Variants in CCDC171 observed in about 807,000 individuals in gnomAD.
CCDC171 encodes coiled-coil domain containing 171, also known as coiled-coil domain-containing protein 171.
A neutral mutation model predicts 168.2 loss-of-function variants in CCDC171; 177 were observed. The observed-to-expected ratio is 1.05, with a 90% CI of 0.93 to 1.19. The LOEUF (loss-of-function observed/expected upper bound fraction) is 1.19, where lower values mean the gene tolerates loss of function less well. Ranked by LOEUF, CCDC171 falls within the 50% of genes most tolerant of loss-of-function variation. The pLI, the probability that CCDC171 is intolerant of heterozygous loss-of-function variation, is 0.00. For synonymous variants in CCDC171, 687 were observed against 540.8 expected, an observed-to-expected ratio of 1.27 and a Z score of -3.75; for missense variants, 1,991 against 1,539.0, an observed-to-expected ratio of 1.29 and a Z score of -4.91.
intron 24 of CCDC171, chr9:15,874,893 G>T (rs1588952144): frequency 3.0e-6 from 1 of 331,214 alleles, no homozygotes. Flanking sequence ...TTTTACCAAG[G>T]AAAAATGTGT....
At position 15,745,591 on chromosome 9, in the gene CCDC171, C is replaced by T. The variant is rs1045393991; in HGVS notation, c.2631C>T (p.Ile877=). Residue 877 remains isoleucine, a synonymous_variant, in exon 18 of 26, where the codon ATC becomes ATT. Transcript: ENST00000380701. ...GTTCTGACCTTCTTGCTGCAATAATCAGTTCTATGGCTGAATTACAAGACG... is the reference window on the plus strand; with the variant it reads ...GTTCTGACCTTCTTGCTGCAATAATTAGTTCTATGGCTGAATTACAAGACG... ...LTSSDLLAAI[I]SSMAELQDVI... 69 of 1,586,586 alleles carry T rather than the reference C, an allele frequency of 4.3e-5. No individual in the cohort carries two copies. Among genetic ancestry groups the T allele is most frequent in the Non-Finnish European group, 5.8e-5 (68 of 1,168,414 alleles).
chr9:15,749,220 AAAG>A (rs2055537199), intron 18 of CCDC171, among the ~76,000 whole-genome samples: 1 of 152,220 alleles, frequency 6.6e-6, no homozygotes, highest in African/African-American at 2.4e-5. Context: ...CGAAAGAGAC[AAAG>A]AAGGCCATTA....
chr9:15,840,625 C>G (rs2060638667), intron 21 of CCDC171, among the ~76,000 whole-genome samples: 1 of 152,062 alleles, frequency 6.6e-6, no homozygotes, highest in Non-Finnish European at 1.5e-5. Flanking sequence ...TGCAGCCAAA[C>G]TCAGTTTGCT....
At chr9:15,635,136 T>G (rs2046102185) in intron 7 of CCDC171, among the ~76,000 whole-genome samples, 1 of 152,130 alleles carries the variant, frequency 6.6e-6, no homozygotes, top group Admixed American at 6.6e-5. Flanking sequence ...TTAGGAGAAT[T>G]GACTTACACT....
intron 1 of CCDC171, among the ~76,000 whole-genome samples, chr9:15,562,759 G>A (rs2039412945): frequency 1.3e-5 from 2 of 152,048 alleles, no homozygotes; most frequent in Non-Finnish European, 2.9e-5. Flanking sequence ...TTTGTGCCTT[G>A]GACATTACTC....
chr9:15,597,972 T>C (rs199847184), intron 6 of CCDC171, among the ~76,000 whole-genome samples: 1 of 152,142 alleles, frequency 6.6e-6, no homozygotes, highest in African/African-American at 2.4e-5. Flanking sequence ...GTCTGTATTT[T>C]TGTGGGATCG....
chr9:16,001,709 A>G (rs935878574), intron 3 of CCDC171, among the ~76,000 whole-genome samples: 1 of 152,150 alleles, frequency 6.6e-6, no homozygotes, highest in Non-Finnish European at 1.5e-5. Flanking sequence ...TGCAACTTGC[A>G]TGTTTGTGGT....
At chr9:15,991,991 A>G (rs953796327) in intron 3 of CCDC171, among the ~76,000 whole-genome samples, 1 of 152,252 alleles carries the variant, frequency 6.6e-6, no homozygotes, top group Non-Finnish European at 1.5e-5. Context: ...TCCAAATTCT[A>G]CCAGAGGTAC....
chr9:15,898,080 A>G (rs1317862209), intron 24 of CCDC171, among the ~76,000 whole-genome samples: 2 of 152,222 alleles, frequency 1.3e-5, no homozygotes, highest in Non-Finnish European at 2.9e-5. Context: ...TGTCAGAATT[A>G]GAAAAAATAC....
chr9:15,869,985 A>C (rs1350248880), intron 23 of CCDC171, among the ~76,000 whole-genome samples: 2 of 151,840 alleles, frequency 1.3e-5, no homozygotes, highest in Non-Finnish European at 2.9e-5. Context: ...TTTTCTGTAA[A>C]GGCCAGATAG....
intron 1 of CCDC171, among the ~76,000 whole-genome samples, chr9:16,043,605 C>G (rs1224998835): frequency 6.6e-6 from 1 of 152,160 alleles, no homozygotes. Flanking sequence ...GCCACATTTA[C>G]CTGTGCCACT....
intron 7 of CCDC171, among the ~76,000 whole-genome samples, chr9:15,639,537 T>C (rs2046438129): frequency 6.6e-6 from 1 of 152,108 alleles, no homozygotes; most frequent in Non-Finnish European, 1.5e-5. Context: ...TTTTTCTTCA[T>C]TAAACTCTTT....
intron 23 of CCDC171, among the ~76,000 whole-genome samples, chr9:15,863,308 C>G (rs770194): frequency 0.77 from 116,599 of 151,842 alleles, 45,914 homozygotes; most frequent in East Asian, 0.89. Flanking sequence ...TGACTGATTT[C>G]TTGTTGCCCA....
rs553376544 is a variant in CCDC171 at position 15,902,994 on chromosome 9, G to A, written c.3601-17276G>A. On this transcript the variant is annotated intron_variant, in intron 24 of 25. Transcript: ENST00000380701. ...GCAGCGAGCTGGGGGAGGGGCGCTC[G>A]CCATTGCCTAGGCTAGAGTAGGTAA... Among the ~76,000 whole-genome samples, 12 of 152,300 alleles carry A rather than the reference G, an allele frequency of 7.9e-5. No homozygotes were observed. In the East Asian group the frequency reaches 1.2e-3, roughly 15 times the overall value.
At chr9:15,580,935 A>G (rs958678501) in intron 4 of CCDC171, among the ~76,000 whole-genome samples, 128 of 152,334 alleles carry the variant, frequency 8.4e-4, no homozygotes, top group African/African-American at 2.8e-3. Context: ...GGCCAGGGCA[A>G]TCAGGCAAGA....
chr9:15,844,738 A>T (rs969608271), intron 21 of CCDC171, among the ~76,000 whole-genome samples: 2 of 152,090 alleles, frequency 1.3e-5, no homozygotes, highest in Non-Finnish European at 2.9e-5. Flanking sequence ...AAAGAATGGA[A>T]ACGAGAAGAT....
chr9:15,877,134 C>G (rs1377990480), intron 24 of CCDC171, among the ~76,000 whole-genome samples: 1 of 151,974 alleles, frequency 6.6e-6, no homozygotes, highest in East Asian at 1.9e-4. Flanking sequence ...CTCAGTTCAA[C>G]TTGTTTCTGA....
intron 8 of CCDC171, among the ~76,000 whole-genome samples, chr9:16,036,362 T>C (rs750165260): frequency 2.6e-5 from 4 of 152,146 alleles, no homozygotes; most frequent in Non-Finnish European, 4.4e-5. Context: ...AGAAATTTCT[T>C]GGCCGGGCAC....
upstream of CCDC171, among the ~76,000 whole-genome samples, chr9:16,041,804 G>A (rs1033151030): frequency 2.0e-5 from 3 of 152,086 alleles, no homozygotes; most frequent in African/African-American, 7.2e-5. Flanking sequence ...GGTTTTGCAG[G>A]GAAAAGTTGA....
Sources: gnomAD v4.1 joint callset for allele counts (sites outside exome capture counted in the v4.1 genomes callset) on GRCh38, gnomAD v4.1.1 for gene constraint, MANE v1.5 for transcripts, NCBI Gene and HGNC (gene_info 2026-07-23, HGNC 2026-07-21) for gene names.